Variants in MDFIC2 observed in about 807,000 individuals in gnomAD.
MDFIC2 encodes the protein MyoD family inhibitor domain containing 2.
chr3:70,306,513 C>T (rs768964952), intron 2 of MDFIC2, among the ~76,000 whole-genome samples: 11 of 152,212 alleles, frequency 7.2e-5, no homozygotes, highest in Admixed American at 7.2e-4. Flanking sequence ...TCATCTTTCA[C>T]ACTCTTTCCT....
At chr3:70,240,703 G>A (rs1701659220) in intron 2 of MDFIC2, among the ~76,000 whole-genome samples, 1 of 151,964 alleles carries the variant, frequency 6.6e-6, no homozygotes, top group South Asian at 2.1e-4. Flanking sequence ...TTTTTCACCT[G>A]GCTAAACATG....
At chr3:70,230,021 T>C (rs1701543414) in intron 2 of MDFIC2, among the ~76,000 whole-genome samples, 2 of 152,170 alleles carry the variant, frequency 1.3e-5, no homozygotes, top group African/African-American at 4.8e-5. Context: ...AATTTTATCA[T>C]ATTAAAAGTG....
chr3:70,254,686 T>G (rs2106655276), intron 2 of MDFIC2, among the ~76,000 whole-genome samples: 1 of 152,296 alleles, frequency 6.6e-6, no homozygotes, highest in South Asian at 2.1e-4. Context: ...GTAGATAATC[T>G]TTTTCTTAAG....
chr3:70,234,458 G>A (rs1701589293), intron 2 of MDFIC2, among the ~76,000 whole-genome samples: 2 of 151,962 alleles, frequency 1.3e-5, no homozygotes, highest in Non-Finnish European at 1.5e-5. Flanking sequence ...AGACCAGCCT[G>A]GGCAACATAA....
At chr3:70,236,595 T>C (rs1219488132) in intron 2 of MDFIC2, among the ~76,000 whole-genome samples, 2 of 152,142 alleles carry the variant, frequency 1.3e-5, no homozygotes, top group African/African-American at 4.8e-5. Flanking sequence ...CTTATTTTAC[T>C]AGAAAACTTT....
At chr3:70,302,908 G>T (rs563195960) in intron 2 of MDFIC2, among the ~76,000 whole-genome samples, 159 of 152,252 alleles carry the variant, frequency 1.0e-3, no homozygotes, top group South Asian at 4.8e-3. Context: ...TAGTTGGAAA[G>T]AAATTTTAAC....
intron 2 of MDFIC2, among the ~76,000 whole-genome samples, chr3:70,307,511 C>A (rs755389123): frequency 2.9e-4 from 44 of 152,066 alleles, no homozygotes; most frequent in Admixed American, 1.2e-3. Context: ...ATTTCCCCCC[C>A]CAATTTCTAT....
chr3:70,308,111 G>T (rs568253794), intron 2 of MDFIC2, among the ~76,000 whole-genome samples: 4 of 152,258 alleles, frequency 2.6e-5, no homozygotes, highest in African/African-American at 9.6e-5. Flanking sequence ...TAGTACAGTG[G>T]TGTGATCATA....
intron 2 of MDFIC2, among the ~76,000 whole-genome samples, chr3:70,209,699 C>A (rs1416898146): frequency 4.6e-5 from 7 of 152,060 alleles, no homozygotes; most frequent in Admixed American, 1.3e-4. Flanking sequence ...AATGTTTTCT[C>A]TGATTTATTC....
intron 2 of MDFIC2, among the ~76,000 whole-genome samples, chr3:70,302,279 G>GAA (rs1702356812): frequency 6.6e-6 from 1 of 151,692 alleles, no homozygotes; most frequent in South Asian, 2.1e-4. Flanking sequence ...TTTACTAATG[G>GAA]TCTGGTGAAC....
chr3:70,311,338 G>A (rs1350205065), intron 2 of MDFIC2, among the ~76,000 whole-genome samples: 1 of 152,152 alleles, frequency 6.6e-6, no homozygotes, highest in African/African-American at 2.4e-5. Context: ...TTTCAAAAGT[G>A]CGCAAATCTG....
intron 3 of MDFIC2, among the ~76,000 whole-genome samples, chr3:70,202,953 G>T (rs1451769354): frequency 6.6e-6 from 1 of 152,072 alleles, no homozygotes; most frequent in East Asian, 1.9e-4. Context: ...CTGCAGTCTT[G>T]CACTCCCTGA....
chr3:70,200,047 T>G (rs1271822433), intron 3 of MDFIC2, among the ~76,000 whole-genome samples: 2 of 152,154 alleles, frequency 1.3e-5, no homozygotes, highest in Non-Finnish European at 2.9e-5. Flanking sequence ...TCTTTGTCAT[T>G]TTGCTTTTCC....
At chr3:70,200,348 A>G (rs1053798882) in intron 3 of MDFIC2, among the ~76,000 whole-genome samples, 9 of 152,168 alleles carry the variant, frequency 5.9e-5, no homozygotes, top group Admixed American at 6.5e-5. Flanking sequence ...AAGCCCTTGC[A>G]TGATTGGATT....
intron 2 of MDFIC2, among the ~76,000 whole-genome samples, chr3:70,253,465 T>C (rs937176780): frequency 1.3e-5 from 2 of 152,000 alleles, no homozygotes; most frequent in Admixed American, 6.5e-5. Context: ...TTGAAAATGT[T>C]TCATCCAGCT....
At chr3:70,289,994 C>G (rs1702215062) in intron 2 of MDFIC2, among the ~76,000 whole-genome samples, 1 of 152,018 alleles carries the variant, frequency 6.6e-6, no homozygotes, top group African/African-American at 2.4e-5. Context: ...ACTTCTTTGC[C>G]TTTGGTTTGA....
At chr3:70,281,876 C>G (rs557802397) in intron 2 of MDFIC2, among the ~76,000 whole-genome samples, 41 of 152,234 alleles carry the variant, frequency 2.7e-4, no homozygotes, top group African/African-American at 9.9e-4. Flanking sequence ...TTCATCATAC[C>G]TTGGGTGAGG....
At chr3:70,209,211 T>C (rs1701318779) in intron 2 of MDFIC2, among the ~76,000 whole-genome samples, 1 of 152,126 alleles carries the variant, frequency 6.6e-6, no homozygotes, top group Admixed American at 6.6e-5. Flanking sequence ...AGATAATTTT[T>C]TGGCATGGAG....
intron 2 of MDFIC2, among the ~76,000 whole-genome samples, chr3:70,226,976 G>A (rs1701513665): frequency 6.6e-6 from 1 of 152,232 alleles, no homozygotes; most frequent in South Asian, 2.1e-4. Flanking sequence ...AGGCACTGGA[G>A]CAGTGGCTCT....
Sources: allele counts gnomAD v4.1 joint callset (sites outside exome capture counted in the v4.1 genomes callset), GRCh38; gene constraint gnomAD v4.1.1; transcripts MANE v1.5; gene names NCBI Gene and HGNC (gene_info 2026-07-23, HGNC 2026-07-21).